CACNA2D2: variants seen among roughly 807,000 people sequenced by gnomAD.
CACNA2D2 encodes calcium voltage-gated channel auxiliary subunit alpha2delta 2, also known as voltage-dependent calcium channel subunit alpha-2/delta-2.
A neutral mutation model predicts 166.4 loss-of-function variants in CACNA2D2; 48 were observed. The observed-to-expected ratio is 0.29, with a 90% CI of 0.23 to 0.37. CACNA2D2 has a LOEUF of 0.37. Among genes scored for constraint, CACNA2D2 ranks in the 10% least tolerant of loss-of-function variants. The pLI is 1.00. For missense variants in CACNA2D2, 1,122 were observed against 1,433.0 expected, an observed-to-expected ratio of 0.78 and a Z score of 3.50; for synonymous variants, 561 against 573.7, an observed-to-expected ratio of 0.98 and a Z score of 0.32.
intron 2 of CACNA2D2, among the ~76,000 whole-genome samples, chr3:50,443,857 G>A (rs1168035225): frequency 6.6e-6 from 1 of 152,224 alleles, no homozygotes; most frequent in Non-Finnish European, 1.5e-5. Flanking sequence ...AGCCAGGGTG[G>A]GCAGAGGCTC....
chr3:50,435,093 G>A (rs1324133311), intron 2 of CACNA2D2, among the ~76,000 whole-genome samples: 1 of 152,134 alleles, frequency 6.6e-6, no homozygotes, highest in Non-Finnish European at 1.5e-5. Context: ...TCCAAGGGGG[G>A]TGGGTCTGTG....
intron 2 of CACNA2D2, among the ~76,000 whole-genome samples, chr3:50,472,987 C>T (rs1455230370): frequency 6.6e-6 from 1 of 152,144 alleles, no homozygotes; most frequent in Non-Finnish European, 1.5e-5. Flanking sequence ...ACTTTTGTGG[C>T]CTATTGAGGG....
At chr3:50,454,279 G>A (rs772110379) in intron 2 of CACNA2D2, among the ~76,000 whole-genome samples, 3 of 152,170 alleles carry the variant, frequency 2.0e-5, no homozygotes, top group South Asian at 2.1e-4. Flanking sequence ...GGACCGAGCC[G>A]GACTCCACAG....
Position 50,366,563 on chromosome 3 carries a change from T to C in CACNA2D2, c.2637+15A>G. The C allele has an allele frequency of 1.2e-6, 2 of 1,613,704 alleles. No homozygotes were observed. Among genetic ancestry groups the C allele is most frequent in the Non-Finnish European group, 1.7e-6 (2 of 1,179,740 alleles). On this transcript the variant is annotated intron_variant, in intron 30 of 37. Transcript: ENST00000424201. The surrounding 1 kb of genome is among the most constrained non-coding windows in gnomAD (Gnocchi z 5.9). ...GGGTAAGCTAGGGTCCAGGGTAGGT[T>C]CAGGGCACACACACCTCATTGTTAA...
At chr3:50,474,063 T>TTGTCC (rs1710208526) in intron 2 of CACNA2D2, among the ~76,000 whole-genome samples, 3 of 152,078 alleles carry the variant, frequency 2.0e-5, no homozygotes, top group Admixed American at 1.3e-4. Flanking sequence ...TTGTCCACCC[T>TTGTCC]ACCAAGAGGG....
intron 1 of CACNA2D2, among the ~76,000 whole-genome samples, chr3:50,481,497 G>C (rs1698056198): frequency 6.6e-6 from 1 of 152,160 alleles, no homozygotes; most frequent in African/African-American, 2.4e-5. Context: ...ACTAGGGGTG[G>C]GCAGCAGGGG....
chr3:50,484,726 T>C (rs564769251), intron 1 of CACNA2D2, among the ~76,000 whole-genome samples: 1 of 152,348 alleles, frequency 6.6e-6, no homozygotes, highest in African/African-American at 2.4e-5. Context: ...TAGTATTCCA[T>C]CAGACATCCT....
chr3:50,498,328 G>A (rs1437233094), intron 1 of CACNA2D2, among the ~76,000 whole-genome samples: 1 of 151,858 alleles, frequency 6.6e-6, no homozygotes, highest in African/African-American at 2.4e-5. Flanking sequence ...TAAGATCCTA[G>A]CCCTGTGAAG....
At chr3:50,394,768 A>T (rs765058369) in intron 3 of CACNA2D2, among the ~76,000 whole-genome samples, 8 of 152,224 alleles carry the variant, frequency 5.3e-5, no homozygotes, top group Non-Finnish European at 8.8e-5. Flanking sequence ...CCCTCAGGGC[A>T]TAGCTGTGTG....
Position 50,367,363 on chromosome 3 carries a change from C to T in CACNA2D2, c.2401+31G>A, listed in dbSNP as rs1161398462. ...AGACAGGGAAGCTGAGGCTCCCTGC[C>T]TGCTGCTGGGCACACTGCGGGGACA... On this transcript the variant is annotated intron_variant, in intron 27 of 37. Transcript: ENST00000424201. This position sits in a 1 kb window ranked among gnomAD's most constrained non-coding sequence, Gnocchi z 6.5. 6.3e-7 allele frequency: 1 copy of T among 1,591,412 alleles called. No individual in the cohort carries two copies. The highest frequency in any genetic ancestry group is 8.6e-7 in the Non-Finnish European group (1 of 1,160,388).
chr3:50,474,220 G>A (rs1710216075), intron 2 of CACNA2D2, among the ~76,000 whole-genome samples: 1 of 152,214 alleles, frequency 6.6e-6, no homozygotes, highest in Admixed American at 6.5e-5. Flanking sequence ...ACTGATGAAA[G>A]TGTCTAGAAT....
chr3:50,366,738 G>A lies in CACNA2D2; in HGVS notation c.2589+93C>T, dbSNP rs1559874274. The A allele has an allele frequency of 1.3e-6, 2 of 1,544,356 alleles. No individual in the cohort carries two copies. The highest frequency in any genetic ancestry group is 1.7e-5 in the Admixed American group (1 of 57,778). ...TGCAGCTGGCCCTGCCTCCATGTAG[G>A]TGTTGGAGCCACTGAGTGGAGGGTT... On this transcript the variant is annotated intron_variant, in intron 29 of 37. Coordinates refer to ENST00000424201, the MANE Select transcript of CACNA2D2 (RefSeq NM_006030.4). This position sits in a 1 kb window ranked among gnomAD's most constrained non-coding sequence, Gnocchi z 5.9.
chr3:50,473,078 G>A (rs1008236726), intron 2 of CACNA2D2, among the ~76,000 whole-genome samples: 1 of 152,210 alleles, frequency 6.6e-6, no homozygotes, highest in Non-Finnish European at 1.5e-5. Context: ...AAGCGTGGGG[G>A]TGGGGACAAT....
At position 50,380,728 on chromosome 3, in the gene CACNA2D2, GC is replaced by G; in HGVS notation, c.842+19del. The G allele has an allele frequency of 6.6e-7, 1 of 1,505,574 alleles. No individual in the cohort carries two copies. 93.3% of individuals were successfully genotyped at this position (1,505,574 alleles called of 1,614,324 possible). A position where few individuals can be genotyped will look rare whatever the true frequency, so the allele number is the denominator to read the frequency against. On this transcript the variant is annotated intron_variant, in intron 8 of 37. Coordinates refer to ENST00000424201, the MANE Select transcript of CACNA2D2 (RefSeq NM_006030.4). This position sits in a 1 kb window ranked among gnomAD's most constrained non-coding sequence, Gnocchi z 4.9. ...GGAACTGAGGGGGTGTCCCTCCCCAGCCCCTTCTTGCTCGCTCACCAGGGTC... is the reference window on the plus strand; with the variant it reads ...GGAACTGAGGGGGTGTCCCTCCCCAGCCCTTCTTGCTCGCTCACCAGGGTC...
chr3:50,388,207 T>C (rs1480978069), intron 4 of CACNA2D2, among the ~76,000 whole-genome samples: 1 of 152,222 alleles, frequency 6.6e-6, no homozygotes, highest in African/African-American at 2.4e-5. Flanking sequence ...GCCAGTCGCC[T>C]GGGTTCTTGG....
chr3:50,479,341 C>T (rs1697944079), intron 1 of CACNA2D2, among the ~76,000 whole-genome samples: 4 of 152,238 alleles, frequency 2.6e-5, no homozygotes, highest in Admixed American at 2.6e-4. Context: ...GCATCCTGGA[C>T]CTGCTGGGCA....
intron 3 of CACNA2D2, among the ~76,000 whole-genome samples, chr3:50,422,599 G>A (rs890609612): frequency 4.6e-5 from 7 of 152,176 alleles, no homozygotes; most frequent in Non-Finnish European, 8.8e-5. Context: ...ATAGCCACAC[G>A]GCACAGGCGA....
In CACNA2D2 at chr3:50,384,287, T is replaced by G. The variant is rs587661537; in HGVS notation, c.561A>C (p.Leu187=). ...DVERGSKAST[L]RLDFIEDPNF... ...TTGGGTCCTCGATGAAGTCCAGCCT[T>G]AGGGTGCTGGCCTTAGACCCCCTTT... The change falls in exon 6 of 38, where the codon CTA becomes CTC. Residue 187 remains leucine (L), a synonymous_variant. Transcript: ENST00000424201. The G allele has an allele frequency of 1.2e-6, 2 of 1,614,102 alleles. No homozygotes were observed. Among genetic ancestry groups the G allele is most frequent in the Admixed American group, 1.7e-5 (1 of 60,022 alleles).
At chr3:50,499,433 T>C (rs1369490268) in intron 1 of CACNA2D2, among the ~76,000 whole-genome samples, 1 of 152,204 alleles carries the variant, frequency 6.6e-6, no homozygotes, top group Admixed American at 6.5e-5. Context: ...CCCTGCCCAC[T>C]AGAGGCGGCA....
Sources: gnomAD v4.1 joint callset for allele counts (sites outside exome capture counted in the v4.1 genomes callset) on GRCh38, gnomAD v4.1.1 for gene constraint, Gnocchi (gnomAD v3.1) non-coding constraint, MANE v1.5 for transcripts, NCBI Gene and HGNC (gene_info 2026-07-23, HGNC 2026-07-21) for gene names.